The following CSMD1 variants were observed in gnomAD, a reference collection of about 807,000 sequenced individuals.
The protein encoded by CSMD1 is CUB and Sushi multiple domains 1, also known as CUB and sushi domain-containing protein 1.
In CSMD1, 213 loss-of-function variants were observed where a neutral mutation model predicts 417.5. The observed-to-expected ratio is 0.51, with a 90% CI of 0.46 to 0.57. CSMD1 has a LOEUF of 0.57. Ranked by LOEUF, CSMD1 falls within the 20% of genes least tolerant of loss-of-function variation. The probability of loss-of-function intolerance (pLI) is 0.00; values close to 1 mark genes in which losing one functional copy is unlikely to be tolerated. For missense variants in CSMD1, 6,923 were observed against 4,529.7 expected (o/e 1.53, Z -15.17); for synonymous variants, 2,862 against 1,736.8 (o/e 1.65, Z -16.11).
intron 8 of CSMD1, among the ~76,000 whole-genome samples, chr8:3,598,569 G>A (rs960511996): frequency 2.6e-5 from 4 of 152,156 alleles, no homozygotes; most frequent in Admixed American, 1.3e-4. Context: ...GTCTACAACA[G>A]AGGAGGACTT....
At chr8:3,339,543 C>T (rs17320920) in intron 23 of CSMD1, among the ~76,000 whole-genome samples, 7,989 of 152,208 alleles carry the variant, frequency 0.052, 304 homozygotes, top group Middle Eastern at 0.092. Context: ...AATGCCAGTT[C>T]CGTAATTTGA....
intron 26 of CSMD1, among the ~76,000 whole-genome samples, chr8:3,240,171 T>C (rs117812232): frequency 0.074 from 11,315 of 152,064 alleles, 592 homozygotes; most frequent in Non-Finnish European, 0.11. Context: ...CGGTCCCGGT[T>C]CTTGTGTAAG....
At chr8:3,318,126 T>C (rs906817772) in intron 23 of CSMD1, among the ~76,000 whole-genome samples, 2 of 152,250 alleles carry the variant, frequency 1.3e-5, no homozygotes, top group Non-Finnish European at 2.9e-5. Flanking sequence ...TTTTTAATTA[T>C]GATTTCTTTC....
At chr8:2,944,685 T>C (rs997281952) in intron 68 of CSMD1, among the ~76,000 whole-genome samples, 1 of 152,034 alleles carries the variant, frequency 6.6e-6, no homozygotes, top group Non-Finnish European at 1.5e-5. Flanking sequence ...AATATATATT[T>C]GCAAAATTAA....
intron 3 of CSMD1, among the ~76,000 whole-genome samples, chr8:4,251,974 G>C (rs545052025): frequency 2.7e-4 from 41 of 151,988 alleles, no homozygotes; most frequent in Non-Finnish European, 8.8e-5. Flanking sequence ...ATGGAGGTAA[G>C]GAGAAAACAG....
At chr8:3,114,409 G>C (rs1315863081) in intron 42 of CSMD1, among the ~76,000 whole-genome samples, 3 of 150,004 alleles carry the variant, frequency 2.0e-5, no homozygotes, top group Non-Finnish European at 4.4e-5. Context: ...AAATACACTT[G>C]GCATAAATAT....
chr8:4,469,811 G>T (rs1384972679), intron 2 of CSMD1, among the ~76,000 whole-genome samples: 1 of 152,036 alleles, frequency 6.6e-6, no homozygotes, highest in Admixed American at 6.6e-5. Flanking sequence ...TCTCACGGAG[G>T]GAACCCAAAG....
At chr8:4,810,988 G>C (rs897581279) in intron 1 of CSMD1, among the ~76,000 whole-genome samples, 27 of 152,156 alleles carry the variant, frequency 1.8e-4, no homozygotes, top group African/African-American at 6.5e-4. Context: ...AGAGATATTT[G>C]TTGTAAGAGT....
chr8:3,530,901 A>T (rs1296711087), intron 10 of CSMD1, among the ~76,000 whole-genome samples: 1 of 150,692 alleles, frequency 6.6e-6, no homozygotes, highest in African/African-American at 2.4e-5. Flanking sequence ...TCTGTCATCC[A>T]GACTGGAATG....
chr8:3,831,407 C>G (rs867007877), intron 5 of CSMD1, among the ~76,000 whole-genome samples: 24 of 152,178 alleles, frequency 1.6e-4, no homozygotes, highest in Middle Eastern at 3.4e-3. Context: ...GAACTGCCCT[C>G]ACAATGACCA....
At chr8:3,002,315 T>C (rs1245682119) in intron 52 of CSMD1, among the ~76,000 whole-genome samples, 2 of 152,206 alleles carry the variant, frequency 1.3e-5, no homozygotes, top group African/African-American at 2.4e-5. Flanking sequence ...TTGCACAACG[T>C]GCTCTGTCGT....
chr8:4,384,124 C>G (rs1803286378), intron 3 of CSMD1, among the ~76,000 whole-genome samples: 1 of 152,268 alleles, frequency 6.6e-6, no homozygotes, highest in East Asian at 1.9e-4. Flanking sequence ...CAGGCTTCAG[C>G]TTTTATCATA....
chr8:3,036,737 A>T (rs1195506061), intron 50 of CSMD1, among the ~76,000 whole-genome samples: 1 of 152,200 alleles, frequency 6.6e-6, no homozygotes, highest in Non-Finnish European at 1.5e-5. Context: ...TGTGTTTCAT[A>T]CCATCGAATT....
intron 2 of CSMD1, among the ~76,000 whole-genome samples, chr8:4,462,322 C>G (rs1238642212): frequency 2.6e-5 from 4 of 151,942 alleles, no homozygotes; most frequent in Non-Finnish European, 1.5e-5. Context: ...ATTCCAAAAA[C>G]TATAAGTGTT....
intron 12 of CSMD1, among the ~76,000 whole-genome samples, chr8:3,441,023 C>A (rs1455437631): frequency 6.6e-6 from 1 of 152,084 alleles, no homozygotes; most frequent in East Asian, 1.9e-4. Context: ...ATGTTGGTGT[C>A]CCCACATCCA....
At chr8:3,464,150 C>T (rs560025266) in intron 12 of CSMD1, among the ~76,000 whole-genome samples, 3 of 152,262 alleles carry the variant, frequency 2.0e-5, no homozygotes, top group South Asian at 4.1e-4. Flanking sequence ...CGGCAAATTA[C>T]ATGAAACATG....
chr8:3,317,384 C>A (rs995800311), intron 23 of CSMD1, among the ~76,000 whole-genome samples: 1 of 152,200 alleles, frequency 6.6e-6, no homozygotes, highest in Non-Finnish European at 1.5e-5. Context: ...GCAATAATTA[C>A]CCAAGCTATA....
chr8:4,799,787 TA>T (rs1170180589), intron 1 of CSMD1, among the ~76,000 whole-genome samples: 28 of 147,984 alleles, frequency 1.9e-4, no homozygotes, highest in Admixed American at 6.8e-4. Flanking sequence ...AATGTCTCTT[TA>T]AAAAAAAAAG....
rs1808081680 is a variant in CSMD1 at position 3,347,365 on chromosome 8, G to A, written c.3474+627C>T. 2.6e-5 allele frequency among the ~76,000 whole-genome samples: 4 copies of A among 152,312 alleles called. No individual in the cohort carries two copies. In the South Asian group the frequency reaches 8.3e-4, roughly 32 times the overall value. On this transcript the variant is annotated intron_variant, in intron 22 of 69. Transcript: ENST00000635120. ...TTAGAAGTTAAGGGCATTTCTAGTT[G>A]GAGCTGGGATTTTGTCAATCAACGC...
Sources: gnomAD v4.1 joint callset for allele counts (sites outside exome capture counted in the v4.1 genomes callset) on GRCh38, gnomAD v4.1.1 for gene constraint, MANE v1.5 for transcripts, NCBI Gene and HGNC (gene_info 2026-07-23, HGNC 2026-07-21) for gene names.